FGFR4: variants seen among roughly 807,000 people sequenced by gnomAD.
FGFR4 encodes the protein hydroxyaryl-protein kinase.
In FGFR4, 63 loss-of-function variants were observed where a neutral mutation model predicts 89.9. The ratio of observed to expected loss-of-function variants is 0.70; its 90% CI spans 0.57 to 0.86. The LOEUF is 0.86. Ranked by LOEUF, FGFR4 falls within the 40% of genes least tolerant of loss-of-function variation. The pLI is 0.00. For missense variants in FGFR4, 928 were observed against 1,106.7 expected, an observed-to-expected ratio of 0.84 and a Z score of 2.29; for synonymous variants, 486 against 479.4, an observed-to-expected ratio of 1.01 and a Z score of -0.18.
At position 177,096,721 on chromosome 5, in the gene FGFR4, C is replaced by A. The variant is rs144302636; in HGVS notation, c.2133C>A (p.Pro711=). 135 of 1,586,164 alleles carry A rather than the reference C, an allele frequency of 8.5e-5. No individual in the cohort carries two copies. The highest frequency in any genetic ancestry group is 1.1e-4 in the Non-Finnish European group (130 of 1,166,078). The stretch of plus-strand genomic sequence containing the variant: ...GGGAGGGACATCGGATGGACCGACC[C>A]CCACACTGCCCCCCAGAGCTGTGAG... The part of the protein sequence containing the change: ...LLREGHRMDR[P]PHCPPELYGL... The change falls in exon 16 of 18, where the codon CCC becomes CCA. Residue 711 remains proline (P), a synonymous_variant. Transcript: ENST00000292408.
In FGFR4 at chr5:177,097,390, C is replaced by A; in HGVS notation, c.2252C>A (p.Ser751Tyr). The change falls in exon 17 of 18, where the codon TCT becomes TAT. Residue 751 changes from serine (S) to tyrosine (Y), a missense_variant. This residue lies in a region of FGFR4 where 129 missense variants were observed against 150.8 expected (regional missense o/e 0.86). Transcript: ENST00000292408. ...EALDKVLLAV[S>Y]EEYLDLRLTF... ...CTGGACAAGGTCCTGCTGGCCGTCT[C>A]TGAGGAGGTACAGCCCCTCCCACCC... 1 of 1,611,750 alleles carries A rather than the reference C, an allele frequency of 6.2e-7. No homozygotes were observed. The highest frequency in any genetic ancestry group is 2.2e-5 in the East Asian group (1 of 44,714).
At chr5:177,090,286 G>A (rs767158048) in intron 2 of FGFR4, 104 bp from the exon 3 acceptor site, 15 of 1,545,690 alleles carry the variant, frequency 9.7e-6, no homozygotes, top group Middle Eastern at 1.7e-4. Context: ...TTCAGCATGC[G>A]TTGCAAAGTG....
rs753728626 is a variant in FGFR4 at position 177,095,639 on chromosome 5, C to A, written c.1737C>A (p.Ser579Arg). ...ACCTCAGCCCCGACGGTCCTCGGAG[C>A]AGTGAGGGGCCGCTCTCCTTCCCAG... ...GPDLSPDGPRSSEGPLSFPVL... is the reference protein window; with the variant it reads ...GPDLSPDGPRRSEGPLSFPVL... The change falls in exon 13 of 18, where the codon AGC becomes AGA. Residue 579 changes from serine (S) to arginine (R), a missense_variant. Ser to Arg is a moderately radical substitution (Grantham distance 110). Coordinates refer to ENST00000292408, the MANE Select transcript of FGFR4 (RefSeq NM_213647.3). This position sits in a 1 kb window ranked among gnomAD's most constrained non-coding sequence, Gnocchi z 5.7. 1 of 1,606,700 alleles carries A rather than the reference C, an allele frequency of 6.2e-7. No individual in the cohort carries two copies. The highest frequency in any genetic ancestry group is 8.5e-7 in the Non-Finnish European group (1 of 1,177,808).
rs772379320 is a variant in FGFR4 at position 177,089,884 on chromosome 5, C to T, written c.91+191C>T. On this transcript the variant is annotated intron_variant, in intron 2 of 17. Transcript: ENST00000292408. ...AAGCATTCATCTATCACTGTGTCTG[C>T]GAGAGAGGACTGGCCTTGCAGGGCG... 5.2e-5 allele frequency: 42 copies of T among 809,150 alleles called. 1 individual carries two copies. The highest frequency in any genetic ancestry group is 4.1e-4 in the South Asian group (28 of 68,872). 50.1% of individuals were successfully genotyped at this position (809,150 alleles called of 1,614,324 possible).
chr5:177,091,245 C>A, intron 5 of FGFR4, 141 bp downstream of exon 5: 1 of 1,029,206 alleles, frequency 9.7e-7, no homozygotes, highest in Non-Finnish European at 1.4e-6. Flanking sequence ...GACTGTGGAC[C>A]TGGGCAGCTC....
At chr5:177,092,244 GGAA>G in intron 6 of FGFR4, 74 bp from the exon 7 acceptor site, 1 of 1,423,370 alleles carries the variant, frequency 7.0e-7, no homozygotes, top group Non-Finnish European at 9.4e-7. Flanking sequence ...TTGAACTTGA[GGAA>G]GGCTGGAGGG....
chr5:177,093,887 C>A lies in FGFR4; in HGVS notation c.1519+112C>A. The A allele has an allele frequency of 8.2e-7, 1 of 1,225,644 alleles. No homozygotes were observed. The highest frequency in any genetic ancestry group is 1.5e-5 in the South Asian group (1 of 66,724). 75.9% of individuals were successfully genotyped at this position (1,225,644 alleles called of 1,614,324 possible). A position where few individuals can be genotyped will look rare whatever the true frequency, so the allele number is the denominator to read the frequency against. ...TTCGAGGCCAGCCTGGGCAACATGG[C>A]AAGACTTCATCTCTACAAAAAAAAA... On this transcript the variant is annotated intron_variant, in intron 11 of 17. Transcript: ENST00000292408. The surrounding 1 kb of genome is among the most constrained non-coding windows in gnomAD (Gnocchi z 5.8).
chr5:177,089,485 A>G, intron 1 of FGFR4, 65 bp from the exon 2 acceptor site: 5 of 1,460,058 alleles, frequency 3.4e-6, no homozygotes, highest in Non-Finnish European at 3.6e-6. Context: ...CTTATCTGCA[A>G]AATAAGGGAA....
intron 1 of FGFR4, 96 bp from the exon 2 acceptor site, chr5:177,089,454 G>T: frequency 7.3e-7 from 1 of 1,373,080 alleles, no homozygotes; most frequent in Non-Finnish European, 9.7e-7. Flanking sequence ...ACATCTGCTG[G>T]CCACTTCCTG....
Position 177,096,609 on chromosome 5 carries a change from C to A in FGFR4, c.2021C>A (p.Ser674Tyr). The change falls in exon 16 of 18, where the codon TCT becomes TAT. Residue 674 changes from serine (S) to tyrosine (Y), a missense_variant. This residue lies in a region of FGFR4 where 27 missense variants were observed against 64.4 expected (regional missense o/e 0.42). Coordinates refer to ENST00000292408, the MANE Select transcript of FGFR4 (RefSeq NM_213647.3). ...RVYTHQSDVW[S>Y]FGILLWEIFT... ...AGCCCTGGCCCTACCTCCAGGTGGT[C>A]TTTTGGGATCCTGCTATGGGAGATC... is the stretch of plus-strand genomic sequence containing the variant. 1 of 1,613,366 alleles carries A rather than the reference C, an allele frequency of 6.2e-7. No individual in the cohort carries two copies. Among genetic ancestry groups the A allele is most frequent in the Non-Finnish European group, 8.5e-7 (1 of 1,179,714 alleles).
At position 177,095,052 on chromosome 5, in the gene FGFR4, G is replaced by A. The variant is rs567765783; in HGVS notation, c.1520-278G>A. 4 of 439,982 alleles carry A rather than the reference G, an allele frequency of 9.1e-6. No individual in the cohort carries two copies. The highest frequency in any genetic ancestry group is 8.9e-5 in the South Asian group (4 of 45,158). The allele number at this position is 439,982 out of a possible 1,614,324, so 27.3% of individuals were successfully genotyped here. A position where few individuals can be genotyped will look rare whatever the true frequency, so the allele number is the denominator to read the frequency against. On this transcript the variant is annotated intron_variant, in intron 11 of 17. Coordinates refer to ENST00000292408, the MANE Select transcript of FGFR4 (RefSeq NM_213647.3). The surrounding 1 kb of genome is among the most constrained non-coding windows in gnomAD (Gnocchi z 5.7). ...CTCTTCCCCTCTCTCCTGTGTCCTG[G>A]GCCTGCCCGCTGGAAGGCCTGCCTC... is the stretch of plus-strand genomic sequence containing the variant.
intron 5 of FGFR4, 148 bp from the exon 6 acceptor site, chr5:177,091,537 G>A: frequency 8.7e-7 from 1 of 1,149,608 alleles, no homozygotes; most frequent in Non-Finnish European, 1.2e-6. Flanking sequence ...ACTCCTTTGT[G>A]CCATAGTCCT....
At position 177,096,067 on chromosome 5, in the gene FGFR4, G is replaced by A. The variant is rs1387211815; in HGVS notation, c.1832G>A (p.Arg611Gln). 2.5e-6 allele frequency: 4 copies of A among 1,613,844 alleles called. No individual in the cohort carries two copies. The highest frequency in any genetic ancestry group is 3.4e-6 in the Non-Finnish European group (4 of 1,179,932). ...CCCCGCTCCCTGCAGTGTATCCACC[G>A]GGACCTGGCTGCCCGCAATGTGCTG... ...QYLESRKCIH[R>Q]DLAARNVLVT... Residue 611 changes from arginine (R) to glutamine (Q), a missense_variant, in exon 14 of 18, where the codon CGG (arginine) becomes CAG (glutamine). This residue lies in a region of FGFR4 where 11 missense variants were observed against 37.2 expected (regional missense o/e 0.30). Coordinates refer to ENST00000292408, the MANE Select transcript of FGFR4 (RefSeq NM_213647.3).
rs370277426 is a variant in FGFR4, at chr5:177,092,309, C to G, written c.728-12C>G. 2 of 1,548,432 alleles carry G rather than the reference C, an allele frequency of 1.3e-6. No individual in the cohort carries two copies. Among genetic ancestry groups the G allele is most frequent in the East Asian group, 2.3e-5 (1 of 43,924 alleles). Reference sequence around the variant, plus strand: ...CCGGTGGTCAGGGTTGACTGTCTCGCCCGGTCCCCAGAGCGGTCCCCGCAC... The same window carrying G: ...CCGGTGGTCAGGGTTGACTGTCTCGGCCGGTCCCCAGAGCGGTCCCCGCAC... On this transcript the variant is annotated splice_polypyrimidine_tract_variant and intron_variant, in intron 6 of 17. Transcript: ENST00000292408.
Position 177,095,346 on chromosome 5 carries a change from G to A in FGFR4, c.1536G>A (p.Lys512=), listed in dbSNP as rs760387699. The A allele has an allele frequency of 1.9e-6, 3 of 1,614,048 alleles. No homozygotes were observed. The highest frequency in any genetic ancestry group is 2.5e-6 in the Non-Finnish European group (3 of 1,180,030). Residue 512 remains lysine (K), a synonymous_variant, in exon 12 of 18, where the codon AAG becomes AAA. Coordinates refer to ENST00000292408, the MANE Select transcript of FGFR4 (RefSeq NM_213647.3). This position sits in a 1 kb window ranked among gnomAD's most constrained non-coding sequence, Gnocchi z 5.7. The stretch of plus-strand genomic sequence containing the variant: ...CCCTTACAGACAACGCCTCTGACAA[G>A]GACCTGGCCGACCTGGTCTCGGAGA... ...VKMLKDNASD[K]DLADLVSEME...
chr5:177,090,037 T>G (rs1471753747), intron 2 of FGFR4: 8 of 659,274 alleles, frequency 1.2e-5, no homozygotes. Flanking sequence ...GGTATAAGCA[T>G]TATGAGGGTG....
Position 177,095,473 on chromosome 5 carries a change from G to GT in FGFR4, c.1630+35dup. The GT allele has an allele frequency of 1.2e-6, 2 of 1,613,522 alleles. No homozygotes were observed. Among genetic ancestry groups the GT allele is most frequent in the Non-Finnish European group, 1.7e-6 (2 of 1,179,600 alleles). On this transcript the variant is annotated intron_variant, in intron 12 of 17. Coordinates refer to ENST00000292408, the MANE Select transcript of FGFR4 (RefSeq NM_213647.3). This position sits in a 1 kb window ranked among gnomAD's most constrained non-coding sequence, Gnocchi z 5.7. Reference sequence around the variant, plus strand: ...CGAGGCGGGGCTGGCTGCACGGGCCGTTAGGGTGCAGAGCCAAAGCTTTGG... The same window carrying GT: ...CGAGGCGGGGCTGGCTGCACGGGCCGTTTAGGGTGCAGAGCCAAAGCTTTGG...
intron 2 of FGFR4, chr5:177,090,020 C>T (rs1310691761): frequency 3.0e-6 from 2 of 662,664 alleles, no homozygotes. Context: ...GTCCAGGCAG[C>T]ATGTGTGGTA....
intron 16 of FGFR4, 172 bp from the exon 17 acceptor site, chr5:177,097,120 C>A (rs1266929034): frequency 2.2e-6 from 1 of 464,214 alleles, no homozygotes. Flanking sequence ...TCCTCCTCCT[C>A]CTCTTCCTCC....
Sources: gnomAD v4.1 joint callset for allele counts on GRCh38, gnomAD v4.1.1 for gene constraint, gnomAD v4.1.1 regional missense constraint, Gnocchi (gnomAD v3.1) non-coding constraint, MANE v1.5 for transcripts, NCBI Gene and HGNC (gene_info 2026-07-23, HGNC 2026-07-21) for gene names.